The following CFAP61 variants were observed in gnomAD, a reference collection of about 807,000 sequenced individuals.
CFAP61 encodes cilia- and flagella-associated protein 61.
Under a neutral mutation model 135.6 loss-of-function variants are expected in CFAP61, and 107 were observed. The ratio of observed to expected loss-of-function variants is 0.79; its 90% CI spans 0.67 to 0.93. The LOEUF is 0.93. CFAP61 is among the 40% of genes least tolerant of loss of function. CFAP61 has a pLI of 0.00. For synonymous variants in CFAP61, 575 were observed against 578.5 expected (o/e 0.99, Z 0.09); for missense variants, 1,507 against 1,556.2 (o/e 0.97, Z 0.53).
At chr20:20,228,432 C>A in intron 18 of CFAP61, 56 bp downstream of exon 18, 1 of 1,474,478 alleles carries the variant, frequency 6.8e-7, no homozygotes, top group Non-Finnish European at 9.4e-7. Flanking sequence ...AATTATCTTC[C>A]TACATCTGAA....
At chr20:20,193,481 TTAGTTAATCTTTTAGAGA>T (rs1402273880) in intron 15 of CFAP61, among the ~76,000 whole-genome samples, 1 of 151,468 alleles carries the variant, frequency 6.6e-6, no homozygotes, top group Non-Finnish European at 1.5e-5. Context: ...TTTCTTGGAG[TTAGTTAATCTTTTAGAGA>T]TGGTGTTGGG....
At chr20:20,182,141 C>T (rs755270135) in intron 13 of CFAP61, among the ~76,000 whole-genome samples, 12 of 152,028 alleles carry the variant, frequency 7.9e-5, no homozygotes, top group Admixed American at 3.3e-4. Flanking sequence ...TTTTATAAAC[C>T]CTCAATGAAT....
At chr20:20,318,883 G>A (rs1324907118) in intron 25 of CFAP61, among the ~76,000 whole-genome samples, 2 of 152,164 alleles carry the variant, frequency 1.3e-5, no homozygotes, top group African/African-American at 4.8e-5. Context: ...AGCCTCTCTG[G>A]GTTCCCTGAG....
At chr20:20,185,419 TG>T (rs201345984) in intron 13 of CFAP61, among the ~76,000 whole-genome samples, 1,642 of 152,286 alleles carry the variant, frequency 0.011, 34 homozygotes, top group African/African-American at 0.038. Flanking sequence ...CTGGAGGTCT[TG>T]AGAAGTCGTT....
chr20:20,266,112 C>T lies in CFAP61; in HGVS notation c.2503+2982C>T, dbSNP rs527586129. ...CTCGAGGTAGAGCCTCCTAAATAAA[C>T]CATTGGCTTCTCTGGCAGGCTGAAA... On this transcript the variant is annotated intron_variant, in intron 21 of 26. Transcript: ENST00000245957. 1.3e-4 allele frequency among the ~76,000 whole-genome samples: 20 copies of T among 152,312 alleles called. No homozygotes were observed. The East Asian group carries it at 3.9e-3, about 29-fold the overall frequency.
chr20:20,116,178 C>T (rs2049125999), intron 8 of CFAP61, among the ~76,000 whole-genome samples: 1 of 152,142 alleles, frequency 6.6e-6, no homozygotes, highest in African/African-American at 2.4e-5. Flanking sequence ...ATTTGCATCT[C>T]TGTGATGATT....
chr20:20,221,739 A>G (rs148214943), intron 17 of CFAP61: 1 of 152,334 alleles, frequency 6.6e-6, no homozygotes, highest in Non-Finnish European at 1.5e-5. Flanking sequence ...AAGGCACTCA[A>G]TCGTTGCATT....
intron 8 of CFAP61, among the ~76,000 whole-genome samples, chr20:20,113,587 A>C (rs2048940618): frequency 6.6e-6 from 1 of 152,124 alleles, no homozygotes; most frequent in Non-Finnish European, 1.5e-5. Context: ...AGACAACTTT[A>C]CTCAAGTCTC....
At chr20:20,204,901 G>A (rs761624047) in intron 17 of CFAP61, among the ~76,000 whole-genome samples, 8 of 152,108 alleles carry the variant, frequency 5.3e-5, no homozygotes, top group Non-Finnish European at 1.2e-4. Flanking sequence ...GTTCCTATGT[G>A]TTTACACTAT....
At chr20:20,306,038 T>C (rs1464637845) in intron 25 of CFAP61, among the ~76,000 whole-genome samples, 1 of 152,216 alleles carries the variant, frequency 6.6e-6, no homozygotes, top group Non-Finnish European at 1.5e-5. Context: ...TCTGTTCTTA[T>C]TGGCGATCCT....
At chr20:20,076,404 C>T (rs2046053843) in intron 6 of CFAP61, among the ~76,000 whole-genome samples, 1 of 152,164 alleles carries the variant, frequency 6.6e-6, no homozygotes, top group Admixed American at 6.5e-5. Context: ...GCTTCCACTG[C>T]CTGTGGTGTG....
intron 25 of CFAP61, among the ~76,000 whole-genome samples, chr20:20,303,739 C>G (rs529331603): frequency 4.5e-4 from 68 of 152,282 alleles, no homozygotes; most frequent in African/African-American, 1.5e-3. Context: ...TCAGACCAGG[C>G]ACGTTTCATT....
At chr20:20,280,976 T>C (rs924483626) in intron 22 of CFAP61, among the ~76,000 whole-genome samples, 9 of 152,326 alleles carry the variant, frequency 5.9e-5, no homozygotes, top group African/African-American at 1.4e-4. Flanking sequence ...TTATGTTTGG[T>C]ATCTTTTCGT....
At chr20:20,301,254 A>T (rs2056075197) in intron 25 of CFAP61, among the ~76,000 whole-genome samples, 1 of 152,144 alleles carries the variant, frequency 6.6e-6, no homozygotes, top group African/African-American at 2.4e-5. Context: ...TTCTATGTTT[A>T]GATACACCAA....
At chr20:20,109,195 A>G (rs1568923178) in intron 8 of CFAP61, among the ~76,000 whole-genome samples, 1 of 152,130 alleles carries the variant, frequency 6.6e-6, no homozygotes, top group African/African-American at 2.4e-5. Context: ...ACTGATGATG[A>G]TGTGTGTCAC....
chr20:20,283,925 A>G (rs1368259735), intron 22 of CFAP61, among the ~76,000 whole-genome samples: 1 of 152,246 alleles, frequency 6.6e-6, no homozygotes, highest in South Asian at 2.1e-4. Context: ...CCCACTGAGC[A>G]TGATCTCCCT....
chr20:20,054,483 T>G (rs1365131282), intron 1 of CFAP61, among the ~76,000 whole-genome samples: 1 of 152,202 alleles, frequency 6.6e-6, no homozygotes, highest in African/African-American at 2.4e-5. Flanking sequence ...GTTTACATTT[T>G]AAACATTTTT....
At chr20:20,253,268 C>G (rs2051148380) in intron 20 of CFAP61, 1 of 150,806 alleles carries the variant, frequency 6.6e-6, no homozygotes, top group South Asian at 2.1e-4. Context: ...TTCCTTCCTT[C>G]CTGTACTTTT....
intron 17 of CFAP61, among the ~76,000 whole-genome samples, chr20:20,213,053 A>C (rs2047774617): frequency 6.6e-6 from 1 of 152,148 alleles, no homozygotes; most frequent in African/African-American, 2.4e-5. Context: ...GGATCATTTA[A>C]GCAGAGCCCT....
Sources: gnomAD v4.1 joint callset for allele counts (sites outside exome capture counted in the v4.1 genomes callset) on GRCh38, gnomAD v4.1.1 for gene constraint, MANE v1.5 for transcripts, NCBI Gene and HGNC (gene_info 2026-07-23, HGNC 2026-07-21) for gene names.